Variants in RAPGEF3 observed in about 807,000 individuals in gnomAD.
RAPGEF3 encodes the protein 9330170P05Rik.
A neutral mutation model predicts 129.8 loss-of-function variants in RAPGEF3; 103 were observed. That is an observed-to-expected ratio of 0.79 (90% CI 0.68 to 0.93). The LOEUF (loss-of-function observed/expected upper bound fraction) is 0.93. Among genes scored for constraint, RAPGEF3 ranks in the 40% least tolerant of loss-of-function variants. RAPGEF3 has a pLI of 0.00. For missense variants in RAPGEF3, 1,117 were observed against 1,207.4 expected (o/e 0.93, Z 1.11); for synonymous variants, 436 against 482.6 (o/e 0.90, Z 1.26).
chr12:47,758,220 G>A lies in RAPGEF3; in HGVS notation c.7-142C>T, dbSNP rs1000532101. 1.3e-5 allele frequency: 18 copies of A among 1,437,522 alleles called. No homozygotes were observed. The South Asian group carries it at 1.5e-4, about 12-fold the overall frequency. 89.0% of individuals were successfully genotyped at this position (1,437,522 alleles called of 1,614,324 possible). On this transcript the variant is annotated intron_variant, in intron 1 of 27. Transcript: ENST00000449771. ...GGTGCTGCAACCCTGCCAGGAGCTG[G>A]GGGGAGGAACAGGAAGACCTTCACT...
intron 13 of RAPGEF3, 29 bp downstream of exon 13, chr12:47,748,045 A>C (rs1941525979): frequency 6.4e-7 from 1 of 1,560,224 alleles, no homozygotes; most frequent in Non-Finnish European, 8.7e-7. Context: ...ATCCCCATGC[A>C]CACCATCCCC....
Position 47,741,544 on chromosome 12 carries a change from C to A in RAPGEF3, c.1884G>T (p.Glu628Asp). The A allele has an allele frequency of 6.2e-7, 1 of 1,614,180 alleles. No individual in the cohort carries two copies. The change falls in exon 19 of 28, where the codon GAG becomes GAT. Residue 628 changes from glutamate (E) to aspartate (D), a missense_variant. By Grantham distance (45) the Glu-to-Asp change is conservative. Around this residue, in one of 3 missense-constraint regions of RAPGEF3, gnomAD observed 643 missense variants for 673.4 expected, o/e 0.95. Coordinates refer to ENST00000449771, the MANE Select transcript of RAPGEF3 (RefSeq NM_001098531.4). ...CCTGTGGGTTGACAACAAAGAGACGCTCATTGAGCCCCAGAGATGTGGCCA... is the reference window on the plus strand; with the variant it reads ...CCTGTGGGTTGACAACAAAGAGACGATCATTGAGCCCCAGAGATGTGGCCA... ...RGVATSLGLNERLFVVNPQEV... is the reference protein window; with the variant it reads ...RGVATSLGLNDRLFVVNPQEV...
At chr12:47,740,504 TG>T in intron 21 of RAPGEF3, 109 bp from the exon 22 acceptor site, 1 of 1,482,236 alleles carries the variant, frequency 6.7e-7, no homozygotes, top group Non-Finnish European at 9.3e-7. Context: ...CTGGATGGGG[TG>T]GGAAGGCAGA....
chr12:47,747,936 C>T, intron 13 of RAPGEF3, 74 bp from the exon 14 acceptor site: 1 of 1,591,140 alleles, frequency 6.3e-7, no homozygotes, highest in Non-Finnish European at 8.5e-7. Flanking sequence ...GCAGGATGCC[C>T]AGGGCCCCTG....
chr12:47,741,732 G>T, intron 18 of RAPGEF3, 130 bp from the exon 19 acceptor site: 1 of 744,052 alleles, frequency 1.3e-6, no homozygotes, highest in Non-Finnish European at 2.3e-6. Context: ...TGAAGTCCTG[G>T]GTGGTGCTCA....
At chr12:47,744,312 T>C (rs574266925) in intron 16 of RAPGEF3, 3 of 556,492 alleles carry the variant, frequency 5.4e-6, no homozygotes, top group African/African-American at 3.8e-5. Context: ...TGTGTGCTTC[T>C]GCATCTGCCA....
At position 47,750,014 on chromosome 12, in the gene RAPGEF3, C is replaced by G. The variant is rs780765599; in HGVS notation, c.757-24G>C. 4 of 1,613,944 alleles carry G rather than the reference C, an allele frequency of 2.5e-6. No homozygotes were observed. The Admixed American group carries it at 5.0e-5, about 20-fold the overall frequency. ...ACCTGTGTGGTGGAGATAGGAGAGT[C>G]GGTGGCGACAAGTTCATGTGCAGAG... is the stretch of plus-strand genomic sequence containing the variant. On this transcript the variant is annotated intron_variant, in intron 7 of 27. Transcript: ENST00000449771.
rs376909316 is a variant in RAPGEF3, at chr12:47,749,841, G to T, written c.818-24C>A. 1.9e-6 allele frequency: 3 copies of T among 1,614,106 alleles called. No individual in the cohort carries two copies. In the African/African-American group the frequency reaches 4.0e-5, roughly 22 times the overall value. ...CACTGACAGAAGCATACCTCAGACC[G>T]GGCCCTCCTGGCACCTACCATTCCT... On this transcript the variant is annotated intron_variant, in intron 8 of 27. Coordinates refer to ENST00000449771, the MANE Select transcript of RAPGEF3 (RefSeq NM_001098531.4). This position sits in a 1 kb window ranked among gnomAD's most constrained non-coding sequence, Gnocchi z 4.5.
intron 21 of RAPGEF3, 116 bp downstream of exon 21, chr12:47,740,526 G>T: frequency 6.7e-7 from 1 of 1,481,504 alleles, no homozygotes; most frequent in Non-Finnish European, 9.3e-7. Context: ...GGCTCCAGGG[G>T]ACCCAGGGAA....
intron 25 of RAPGEF3, 53 bp from the exon 26 acceptor site, chr12:47,738,300 G>A: frequency 1.2e-6 from 2 of 1,601,632 alleles, no homozygotes; most frequent in Non-Finnish European, 8.5e-7. Flanking sequence ...ACCCTGTCCT[G>A]CCCTGTGCAG....
intron 24 of RAPGEF3, 44 bp from the exon 25 acceptor site, chr12:47,738,798 C>T: frequency 6.6e-7 from 1 of 1,521,070 alleles, no homozygotes; most frequent in African/African-American, 1.4e-5. Flanking sequence ...AAACTTCTGC[C>T]CTCCTGTAGC....
In RAPGEF3 at chr12:47,734,447, G is replaced by A. The variant is rs1233270040; in HGVS notation, c.*3120C>T. The A allele has an allele frequency of 1.3e-5, 2 of 152,258 alleles. No individual in the cohort carries two copies. Among genetic ancestry groups the A allele is most frequent in the Admixed American group, 1.3e-4 (2 of 15,286 alleles). 9.4% of individuals were successfully genotyped at this position (152,258 alleles called of 1,614,324 possible). On this transcript the variant is annotated 3_prime_UTR_variant, in exon 28 of 28. Coordinates refer to ENST00000449771, the MANE Select transcript of RAPGEF3 (RefSeq NM_001098531.4). Reference sequence around the variant, plus strand: ...TTGGGATTCAGAGAGCTGTCATGGGGAGTGCCGGGGGCATGGGGAAAGGGC... The same window carrying A: ...TTGGGATTCAGAGAGCTGTCATGGGAAGTGCCGGGGGCATGGGGAAAGGGC...
chr12:47,741,635 G>A, intron 18 of RAPGEF3, 33 bp from the exon 19 acceptor site: 1 of 1,327,514 alleles, frequency 7.5e-7, no homozygotes, highest in South Asian at 1.2e-5. Flanking sequence ...CTGGGTGGGG[G>A]AAGGGAGGGA....
At chr12:47,746,984 C>A in intron 15 of RAPGEF3, 85 bp from the exon 16 acceptor site, 1 of 1,329,198 alleles carries the variant, frequency 7.5e-7, no homozygotes, top group East Asian at 2.4e-5. Flanking sequence ...TGGATTCTCC[C>A]CGGCCCTCAC....
intron 19 of RAPGEF3, 35 bp downstream of exon 19, chr12:47,741,467 TCTC>T (rs1941161410): frequency 6.4e-7 from 1 of 1,567,238 alleles, no homozygotes; most frequent in South Asian, 1.1e-5. Context: ...TCAAAATAGA[TCTC>T]CTCCCTGGGC....
intron 19 of RAPGEF3, 60 bp downstream of exon 19, chr12:47,741,445 C>T (rs1941160088): frequency 1.3e-6 from 2 of 1,502,694 alleles, no homozygotes; most frequent in African/African-American, 2.8e-5. Flanking sequence ...CCAGAATCCA[C>T]CACTGCCACA....
At position 47,738,079 on chromosome 12, in the gene RAPGEF3, GT is replaced by G. The variant is rs780598142; in HGVS notation, c.2595del (p.Leu866SerfsTer25). 6.2e-7 allele frequency: 1 copy of G among 1,614,144 alleles called. No individual in the cohort carries two copies. The highest frequency in any genetic ancestry group is 8.5e-7 in the Non-Finnish European group (1 of 1,180,016). ...TGGAGGTGGGAAACTCGGCTTCTGAGTGGTGAGAGAGGCACTGCGGGGGTGG... is the reference window on the plus strand; with the variant it reads ...TGGAGGTGGGAAACTCGGCTTCTGAGGGTGAGAGAGGCACTGCGGGGGTGG... ...CRSHNPVPLS[P>X]LRSRVSHLHE... On this transcript the variant is annotated frameshift_variant, in exon 27 of 28. Transcript: ENST00000449771. LOFTEE classifies it high-confidence loss of function.
Position 47,738,879 on chromosome 12 carries a change from C to A in RAPGEF3, c.2462-125G>T. The A allele has an allele frequency of 5.6e-6, 5 of 885,188 alleles. No homozygotes were observed. In the South Asian group the frequency reaches 7.1e-5, roughly 13 times the overall value. The allele number at this position is 885,188 out of a possible 1,614,324, so 54.8% of individuals were successfully genotyped here. ...CCCATAGAGCCCCTGCCTCTGCCCC[C>A]TCCAAGCCCCAGCAGCATTTCCTTG... On this transcript the variant is annotated intron_variant, in intron 24 of 27. Transcript: ENST00000449771.
At chr12:47,753,216 G>A (rs900680788) in intron 2 of RAPGEF3, among the ~76,000 whole-genome samples, 1 of 152,212 alleles carries the variant, frequency 6.6e-6, no homozygotes, top group Non-Finnish European at 1.5e-5. Flanking sequence ...AAGCCTGGAG[G>A]TGAGGTACCT....
Sources: gnomAD v4.1 joint callset for allele counts (sites outside exome capture counted in the v4.1 genomes callset) on GRCh38, gnomAD v4.1.1 for gene constraint, gnomAD v4.1.1 regional missense constraint, Gnocchi (gnomAD v3.1) non-coding constraint, MANE v1.5 for transcripts, NCBI Gene and HGNC (gene_info 2026-07-23, HGNC 2026-07-21) for gene names.